SEC11A: variants seen among roughly 807,000 people sequenced by gnomAD.
SEC11A encodes the protein signal peptidase complex catalytic subunit SEC11A.
Under a neutral mutation model 25.6 loss-of-function variants are expected in SEC11A, and 14 were observed. The ratio of observed to expected loss-of-function variants is 0.55; its 90% CI spans 0.36 to 0.85. The LOEUF (loss-of-function observed/expected upper bound fraction) is 0.85. Among genes scored for constraint, SEC11A ranks in the 40% least tolerant of loss-of-function variants. SEC11A has a pLI of 0.01. For synonymous variants in SEC11A, 83 were observed against 76.4 expected (o/e 1.09, Z -0.45); for missense variants, 153 against 222.9 (o/e 0.69, Z 2.00).
chr15:84,680,138 A>G (rs976536645), intron 4 of SEC11A, among the ~76,000 whole-genome samples: 37 of 124,168 alleles, frequency 3.0e-4, no homozygotes, highest in Non-Finnish European at 6.1e-4. Context: ...CATCTCTACT[A>G]AAAAAAAAAA....
intron 1 of SEC11A, among the ~76,000 whole-genome samples, chr15:84,713,193 CAAAA>C (rs776219142): frequency 3.4e-5 from 2 of 58,166 alleles, no homozygotes; most frequent in Admixed American, 1.8e-4. Context: ...GACTCCGTCT[CAAAA>C]AAAAAAAAAA....
At chr15:84,690,260 G>A (rs1373289442) in intron 2 of SEC11A, among the ~76,000 whole-genome samples, 1 of 152,158 alleles carries the variant, frequency 6.6e-6, no homozygotes, top group East Asian at 1.9e-4. Flanking sequence ...TTAAAAAGGG[G>A]AGTTCCCCTG....
At position 84,670,052 on chromosome 15, in the gene SEC11A, C is replaced by A. The variant is rs1232124865; in HGVS notation, c.507G>T (p.Leu169Phe). 1.8e-5 allele frequency: 29 copies of A among 1,612,368 alleles called. No homozygotes were observed. The highest frequency in any genetic ancestry group is 2.3e-5 in the Non-Finnish European group (27 of 1,179,410). ...GATGAACCAGCACGAATAAACCCAG[C>A]AAAAAGAGAACTGCATACTAGAAAA... is the stretch of plus-strand genomic sequence containing the variant. Reference protein sequence around the residue: ...YPKFKYAVLFLLGLFVLVHRE With the variant: ...YPKFKYAVLFFLGLFVLVHRE Residue 169 changes from leucine to phenylalanine, a missense_variant, in exon 6 of 6, where the codon TTG (leucine) becomes TTT (phenylalanine). Coordinates refer to ENST00000268220, the MANE Select transcript of SEC11A (RefSeq NM_014300.4).
At chr15:84,704,902 A>G (rs35316992) in intron 1 of SEC11A, among the ~76,000 whole-genome samples, 30,530 of 147,592 alleles carry the variant, frequency 0.21, 3,877 homozygotes, top group Middle Eastern at 0.38. Context: ...TGTTTTCTGC[A>G]TATGCTACTT....
chr15:84,711,589 G>A (rs1443396651), intron 1 of SEC11A, among the ~76,000 whole-genome samples: 3 of 151,802 alleles, frequency 2.0e-5, no homozygotes, highest in African/African-American at 4.8e-5. Flanking sequence ...AGCCTGAGGC[G>A]ATCAGATCAC....
chr15:84,705,381 G>A (rs1466125814), intron 1 of SEC11A, among the ~76,000 whole-genome samples: 1 of 152,164 alleles, frequency 6.6e-6, no homozygotes, highest in African/African-American at 2.4e-5. Context: ...CAGCTAGGTG[G>A]CAACACTTTG....
intron 3 of SEC11A, among the ~76,000 whole-genome samples, chr15:84,683,814 C>CG (rs139459033): frequency 0.12 from 18,535 of 152,158 alleles, 1,510 homozygotes; most frequent in Middle Eastern, 0.28. Flanking sequence ...CCTGAGCCAC[C>CG]GCACCTGATC....
intron 2 of SEC11A, 37 bp from the exon 3 acceptor site, chr15:84,687,811 G>C: frequency 3.9e-6 from 6 of 1,546,888 alleles, no homozygotes; most frequent in Non-Finnish European, 5.2e-6. Flanking sequence ...CAAAAAGAAA[G>C]TATGAGATTA....
chr15:84,674,737 T>C (rs1476499001), intron 4 of SEC11A, among the ~76,000 whole-genome samples: 1 of 152,068 alleles, frequency 6.6e-6, no homozygotes, highest in African/African-American at 2.4e-5. Context: ...TTTTAAATTT[T>C]TTTGTAGAGA....
chr15:84,686,115 A>G (rs1305420507), intron 3 of SEC11A, among the ~76,000 whole-genome samples: 1 of 152,096 alleles, frequency 6.6e-6, no homozygotes, highest in African/African-American at 2.4e-5. Context: ...AACAATTTCT[A>G]AAAATTTAAG....
rs115274449 is a variant in SEC11A, at chr15:84,696,127, G to A, written c.52-4483C>T. On this transcript the variant is annotated intron_variant, in intron 1 of 5. Transcript: ENST00000268220. ...GCTGTTCTTTCAGTAATAGAGTGAT[G>A]TGAGCACATGGATAATCTGAAACCT... 2.7e-3 allele frequency among the ~76,000 whole-genome samples: 417 copies of A among 152,248 alleles called. 3 individuals carry two copies. Among genetic ancestry groups the A allele is most frequent in the African/African-American group, 9.3e-3 (386 of 41,538 alleles).
At chr15:84,683,256 A>G (rs1897324440) in intron 3 of SEC11A, among the ~76,000 whole-genome samples, 1 of 152,182 alleles carries the variant, frequency 6.6e-6, no homozygotes. Flanking sequence ...AAACAATATC[A>G]ACTCCACACA....
chr15:84,699,555 C>G (rs182748859), intron 1 of SEC11A, among the ~76,000 whole-genome samples: 1 of 152,004 alleles, frequency 6.6e-6, no homozygotes, highest in African/African-American at 2.4e-5. Context: ...ACTTATAGAT[C>G]GGAGAATTTC....
chr15:84,677,464 CTTTTCT>C (rs1003749308), intron 4 of SEC11A, among the ~76,000 whole-genome samples: 1 of 145,400 alleles, frequency 6.9e-6, no homozygotes, highest in Non-Finnish European at 1.5e-5. Context: ...GGAATTTTTT[CTTTTCT>C]TTTTCTTTTT....
rs1353462860 is a variant in SEC11A at position 84,683,128 on chromosome 15, A to G, written c.312-2296T>C. 2.0e-5 allele frequency among the ~76,000 whole-genome samples: 3 copies of G among 152,220 alleles called. No homozygotes were observed. In the East Asian group the frequency reaches 5.8e-4, roughly 29 times the overall value. ...AGAGAAAAATAATCTGTAGCTGACA[A>G]TTCAGTAAGTGAAAAAAGGAAAAAT... On this transcript the variant is annotated intron_variant, in intron 3 of 5. Coordinates refer to ENST00000268220, the MANE Select transcript of SEC11A (RefSeq NM_014300.4).
chr15:84,679,942 C>T, intron 4 of SEC11A: 5 of 1,530,262 alleles, frequency 3.3e-6, no homozygotes, highest in Non-Finnish European at 4.4e-6. Context: ...AATTCCTGTC[C>T]TCCACTGAAC....
rs756777286 is a variant in SEC11A, at chr15:84,691,606, T to A, written c.90A>T (p.Ser30=). 45 of 1,612,952 alleles carry A rather than the reference T, an allele frequency of 2.8e-5. No homozygotes were observed. The Admixed American group carries it at 7.5e-4, about 27-fold the overall frequency. The change falls in exon 2 of 6, where the codon TCA becomes TCT. Residue 30 remains serine (S), a synonymous_variant. Coordinates refer to ENST00000268220, the MANE Select transcript of SEC11A (RefSeq NM_014300.4). ...ACCCCTTCCAGATCATTAGTGCCGA[T>A]GAGACAATCATTCCAAAATTTAGGA... is the stretch of plus-strand genomic sequence containing the variant. ...YQVLNFGMIV[S]SALMIWKGLM...
In SEC11A at chr15:84,691,611, C is replaced by A. The variant is rs1897609536; in HGVS notation, c.85G>T (p.Val29Phe). The change falls in exon 2 of 6, where the codon GTC becomes TTC. Residue 29 changes from valine (V) to phenylalanine (F), a missense_variant. By Grantham distance (50) the Val-to-Phe change is conservative. Transcript: ENST00000268220. ...YYQVLNFGMI[V>F]SSALMIWKGL... ...TTCCAGATCATTAGTGCCGATGAGA[C>A]AATCATTCCAAAATTTAGGACTTGA... The A allele has an allele frequency of 1.3e-5, 21 of 1,612,252 alleles. No homozygotes were observed. Among genetic ancestry groups the A allele is most frequent in the African/African-American group, 4.0e-5 (3 of 74,876 alleles).
Position 84,715,204 on chromosome 15 carries a change from T to C in SEC11A, c.51+821A>G, listed in dbSNP as rs538388586. 4.7e-4 allele frequency among the ~76,000 whole-genome samples: 71 copies of C among 151,940 alleles called. 1 individual carries two copies. The highest frequency in any genetic ancestry group is 3.1e-3 in the Admixed American group (47 of 15,264). The stretch of plus-strand genomic sequence containing the variant: ...CATCAGGATAATCATAACAGTAAAA[T>C]ACTGTTTAAAACAAAAAAAAAGTCC... On this transcript the variant is annotated intron_variant, in intron 1 of 5. Coordinates refer to ENST00000268220, the MANE Select transcript of SEC11A (RefSeq NM_014300.4).
Sources: allele counts gnomAD v4.1 joint callset (sites outside exome capture counted in the v4.1 genomes callset), GRCh38; gene constraint gnomAD v4.1.1; transcripts MANE v1.5; gene names NCBI Gene and HGNC (gene_info 2026-07-23, HGNC 2026-07-21).